WNT7B: variants seen among roughly 807,000 people sequenced by gnomAD.
WNT7B encodes the protein protein Wnt-7b.
In WNT7B, 19 loss-of-function variants were observed where a neutral mutation model predicts 38.2. The observed-to-expected ratio is 0.50, with a 90% CI of 0.35 to 0.73. The LOEUF (loss-of-function observed/expected upper bound fraction) is 0.73, where lower values mean the gene tolerates loss of function less well. Among genes scored for constraint, WNT7B ranks in the 30% least tolerant of loss-of-function variants. WNT7B has a pLI of 0.01. For synonymous variants in WNT7B, 243 were observed against 209.3 expected (o/e 1.16, Z -1.39); for missense variants, 423 against 507.9 (o/e 0.83, Z 1.61).
intron 1 of WNT7B, among the ~76,000 whole-genome samples, chr22:45,969,637 C>T (rs554117561): frequency 6.6e-6 from 1 of 152,360 alleles, no homozygotes; most frequent in East Asian, 1.9e-4. Context: ...CAGGCCAACA[C>T]ACCCGTCCAA....
At position 45,966,762 on chromosome 22, in the gene WNT7B, G is replaced by C. The variant is rs988357876; in HGVS notation, c.71+9922C>G. Among the ~76,000 whole-genome samples, 2 of 152,246 alleles carry C rather than the reference G, an allele frequency of 1.3e-5. No homozygotes were observed. The highest frequency in any genetic ancestry group is 2.9e-5 in the Non-Finnish European group (2 of 68,030). On this transcript the variant is annotated intron_variant, in intron 1 of 3. Coordinates refer to ENST00000339464, the MANE Select transcript of WNT7B (RefSeq NM_058238.3). This position sits in a 1 kb window ranked among gnomAD's most constrained non-coding sequence, Gnocchi z 4.2. ...GCTCCAGCCTGGGGATGGAGGAAGT[G>C]TCGATGGCCCTGTGCCAAGCCTCAC... is the stretch of plus-strand genomic sequence containing the variant.
chr22:45,927,451 G>A, intron 3 of WNT7B: 2 of 1,548,680 alleles, frequency 1.3e-6, no homozygotes, highest in Non-Finnish European at 1.7e-6. Flanking sequence ...GAACGGCATA[G>A]CAACCCCCCA....
intron 1 of WNT7B, among the ~76,000 whole-genome samples, chr22:45,962,969 C>T (rs1932230583): frequency 6.6e-6 from 1 of 152,222 alleles, no homozygotes; most frequent in Non-Finnish European, 1.5e-5. Flanking sequence ...CCTCGGCCTT[C>T]CTGGCTGCCC....
intron 1 of WNT7B, among the ~76,000 whole-genome samples, chr22:45,953,925 G>A (rs1048324262): frequency 5.9e-5 from 9 of 152,102 alleles, no homozygotes; most frequent in African/African-American, 1.7e-4. Flanking sequence ...CAAATGAACC[G>A]AAGACAGGTG....
rs373724385 is a variant in WNT7B at position 45,929,799 on chromosome 22, A to G, written c.570+1299T>C. Among the ~76,000 whole-genome samples, 6 of 94,394 alleles carry G rather than the reference A, an allele frequency of 6.4e-5. No homozygotes were observed. In the East Asian group the frequency reaches 1.9e-3, roughly 30 times the overall value. The allele number at this position is 94,394 out of a possible 152,430, so 61.9% of individuals were successfully genotyped here. A position where few individuals can be genotyped will look rare whatever the true frequency, so the allele number is the denominator to read the frequency against. On this transcript the variant is annotated intron_variant, in intron 3 of 3. Transcript: ENST00000339464. ...TTCCATCCACCCACCGATCCACTCA[A>G]CCATCTACCCATCCATCTATCTTCC...
At chr22:45,972,525 C>T (rs1932471152) in intron 1 of WNT7B, 1 of 168,506 alleles carries the variant, frequency 5.9e-6, no homozygotes, top group Non-Finnish European at 1.3e-5. Flanking sequence ...GTCCGTCTGT[C>T]GGTGCGAACC....
In WNT7B at chr22:45,958,681, C is replaced by T. The variant is rs567321886; in HGVS notation, c.72-8535G>A. 1.6e-4 allele frequency among the ~76,000 whole-genome samples: 25 copies of T among 152,296 alleles called. No individual in the cohort carries two copies. In the East Asian group the frequency reaches 3.9e-3, roughly 24 times the overall value. ...CCTGGTAGCTCAGGAAGGCAGGGAG[C>T]GAGCACGGCTGGAACCCACCCCCAC... is the stretch of plus-strand genomic sequence containing the variant. On this transcript the variant is annotated intron_variant, in intron 1 of 3. Coordinates refer to ENST00000339464, the MANE Select transcript of WNT7B (RefSeq NM_058238.3).
intron 2 of WNT7B, chr22:45,935,923 G>C (rs1931504053): frequency 1.0e-6 from 1 of 985,334 alleles, no homozygotes; most frequent in Non-Finnish European, 1.2e-6. Context: ...GCCGGCAGCT[G>C]TCCTGCTGGT....
At chr22:45,952,862 G>T (rs994363999) in intron 1 of WNT7B, among the ~76,000 whole-genome samples, 5 of 152,212 alleles carry the variant, frequency 3.3e-5, no homozygotes, top group African/African-American at 1.2e-4. Context: ...ATTGCCCAGG[G>T]GACCGTCCCA....
chr22:45,952,700 G>C (rs1931961793), intron 1 of WNT7B, among the ~76,000 whole-genome samples: 1 of 152,224 alleles, frequency 6.6e-6, no homozygotes, highest in Admixed American at 6.5e-5. Context: ...GGGGGACCCT[G>C]ATGGGACTTA....
At position 45,968,618 on chromosome 22, in the gene WNT7B, C is replaced by T. The variant is rs371009787; in HGVS notation, c.71+8066G>A. 3.9e-5 allele frequency among the ~76,000 whole-genome samples: 6 copies of T among 152,354 alleles called. No homozygotes were observed. In the East Asian group the frequency reaches 7.7e-4, roughly 20 times the overall value. The stretch of plus-strand genomic sequence containing the variant: ...GTCACCCCAGGACCTCCTGTCCTCC[C>T]TCTGCACACAGACGGTCCAGGATGC... On this transcript the variant is annotated intron_variant, in intron 1 of 3. Coordinates refer to ENST00000339464, the MANE Select transcript of WNT7B (RefSeq NM_058238.3).
chr22:45,953,459 T>A (rs906807798), intron 1 of WNT7B, among the ~76,000 whole-genome samples: 4 of 152,216 alleles, frequency 2.6e-5, no homozygotes, highest in African/African-American at 9.7e-5. Context: ...GGTGTGGCCA[T>A]CCCGAGTGTT....
At chr22:45,923,540 G>GAC (rs1930993705) in intron 3 of WNT7B, among the ~76,000 whole-genome samples, 4 of 152,230 alleles carry the variant, frequency 2.6e-5, no homozygotes, top group Non-Finnish European at 5.9e-5. Flanking sequence ...CTGCATAGGA[G>GAC]GTTGTGAGGG....
chr22:45,943,482 G>A (rs762833562), intron 2 of WNT7B, among the ~76,000 whole-genome samples: 13 of 152,206 alleles, frequency 8.5e-5, no homozygotes, highest in South Asian at 2.1e-4. Flanking sequence ...TGAGGTGCTC[G>A]GGGAGCCCAG....
At chr22:45,972,551 TC>T (rs1270030030) in intron 1 of WNT7B, 1 of 160,832 alleles carries the variant, frequency 6.2e-6, no homozygotes, top group Non-Finnish European at 1.4e-5. Flanking sequence ...TGTCGCTCGC[TC>T]TGGCTCACTT....
chr22:45,934,827 T>C (rs1931472026), intron 2 of WNT7B, among the ~76,000 whole-genome samples: 1 of 152,244 alleles, frequency 6.6e-6, no homozygotes, highest in Admixed American at 6.5e-5. Context: ...TGGTCTCTCG[T>C]CATGGAGACA....
rs1001793737 is a variant in WNT7B at position 45,976,923 on chromosome 22, A to G, written c.-169T>C. 1.6e-5 allele frequency: 16 copies of G among 990,878 alleles called. No homozygotes were observed. The highest frequency in any genetic ancestry group is 1.7e-5 in the Non-Finnish European group (14 of 834,222). 61.4% of individuals were successfully genotyped at this position (990,878 alleles called of 1,614,324 possible). ...CTCGGCGCGCGCTGCCACCATGGTG[A>G]GCCCGGGATGCCGCCGCCGCCACCG... On this transcript the variant is annotated 5_prime_UTR_variant, in exon 1 of 4. Transcript: ENST00000339464. The surrounding 1 kb of genome is among the most constrained non-coding windows in gnomAD (Gnocchi z 8.5).
intron 2 of WNT7B, chr22:45,935,875 G>A (rs1931502541): frequency 9.1e-6 from 9 of 985,250 alleles, no homozygotes; most frequent in Non-Finnish European, 1.1e-5. Context: ...GTGGTGATGG[G>A]GAAGCTGGAT....
intron 1 of WNT7B, among the ~76,000 whole-genome samples, chr22:45,964,509 G>C (rs961942179): frequency 6.6e-6 from 1 of 152,152 alleles, no homozygotes; most frequent in Non-Finnish European, 1.5e-5. Context: ...CTTCCTAGTG[G>C]GGGTGTCAGC....
Sources: gnomAD v4.1 joint callset for allele counts (sites outside exome capture counted in the v4.1 genomes callset) on GRCh38, gnomAD v4.1.1 for gene constraint, Gnocchi (gnomAD v3.1) non-coding constraint, MANE v1.5 for transcripts, NCBI Gene and HGNC (gene_info 2026-07-23, HGNC 2026-07-21) for gene names.